DPH6: variants seen among roughly 807,000 people sequenced by gnomAD.
The protein encoded by DPH6 is diphthamine biosynthesis 6.
In DPH6, 33 loss-of-function variants were observed where a neutral mutation model predicts 38.2. The observed-to-expected ratio is 0.86, with a 90% CI of 0.65 to 1.15. DPH6 has a LOEUF of 1.15. Among genes scored for constraint, DPH6 ranks in the 50% most tolerant of loss-of-function variants. DPH6 has a pLI of 0.00. For synonymous variants in DPH6, 108 were observed against 103.0 expected, an observed-to-expected ratio of 1.05 and a Z score of -0.30; for missense variants, 325 against 320.0, an observed-to-expected ratio of 1.02 and a Z score of -0.12.
intron 5 of DPH6, 51 bp downstream of exon 5, chr15:35,450,634 G>C: frequency 7.1e-7 from 1 of 1,402,454 alleles, no homozygotes; most frequent in Non-Finnish European, 1.0e-6. Context: ...TTAGTGAACT[G>C]AGATCATCTA....
chr15:35,373,628 C>T lies in DPH6; in HGVS notation c.663-20G>A, dbSNP rs745356416. 3.1e-6 allele frequency: 5 copies of T among 1,594,096 alleles called. No homozygotes were observed. Among genetic ancestry groups the T allele is most frequent in the Non-Finnish European group, 2.6e-6 (3 of 1,168,992 alleles). Reference sequence around the variant, plus strand: ...GAATCCCTGAAATACAAAAATTTTACAATACATTTATATGCTACAAAAATT... The same window carrying T: ...GAATCCCTGAAATACAAAAATTTTATAATACATTTATATGCTACAAAAATT... On this transcript the variant is annotated intron_variant, in intron 7 of 8. Coordinates refer to ENST00000256538, the MANE Select transcript of DPH6 (RefSeq NM_080650.4).
At chr15:35,504,610 C>T (rs2054670145) in intron 3 of DPH6, among the ~76,000 whole-genome samples, 1 of 151,932 alleles carries the variant, frequency 6.6e-6, no homozygotes. Flanking sequence ...ATACCCAGAA[C>T]AGGGCACTGA....
chr15:35,366,483 T>C (rs2052661771), downstream of DPH6, among the ~76,000 whole-genome samples: 1 of 151,950 alleles, frequency 6.6e-6, no homozygotes, highest in Non-Finnish European at 1.5e-5. Flanking sequence ...CTTAATTTTC[T>C]TAATCAGATA....
intron 5 of DPH6, among the ~76,000 whole-genome samples, chr15:35,440,080 C>T (rs2053768073): frequency 6.6e-6 from 1 of 152,132 alleles, no homozygotes; most frequent in Non-Finnish European, 1.5e-5. Flanking sequence ...CTGCTTATTC[C>T]TGTGAACCAA....
At chr15:35,537,921 T>A (rs565061888) in intron 3 of DPH6, among the ~76,000 whole-genome samples, 1 of 152,110 alleles carries the variant, frequency 6.6e-6, no homozygotes, top group Non-Finnish European at 1.5e-5. Flanking sequence ...ATCCCCAGTG[T>A]CTAGCACTAT....
intron 3 of DPH6, among the ~76,000 whole-genome samples, chr15:35,315,798 T>C (rs988885221): frequency 6.6e-6 from 1 of 152,196 alleles, no homozygotes; most frequent in Non-Finnish European, 1.5e-5. Flanking sequence ...TAAGTGTGTA[T>C]GAACAGATGA....
chr15:35,532,848 A>T (rs543459453), intron 3 of DPH6, among the ~76,000 whole-genome samples: 26 of 152,208 alleles, frequency 1.7e-4, no homozygotes, highest in Admixed American at 1.4e-3. Context: ...TCACACTTGT[A>T]GTCTCAGCAC....
intron 3 of DPH6, among the ~76,000 whole-genome samples, chr15:35,321,034 G>A (rs970502853): frequency 2.6e-5 from 4 of 152,176 alleles, no homozygotes; most frequent in African/African-American, 7.2e-5. Flanking sequence ...ATCTACAGGA[G>A]CAACTGGGGA....
intron 3 of DPH6, among the ~76,000 whole-genome samples, chr15:35,350,535 T>C (rs2052501304): frequency 6.6e-6 from 1 of 152,132 alleles, no homozygotes; most frequent in South Asian, 2.1e-4. Context: ...GAATTTTTAT[T>C]TGACATCTTT....
At chr15:35,190,393 G>C in the DPH6 span, among the ~76,000 whole-genome samples, 4 of 152,192 alleles carry the variant, frequency 2.6e-5, no homozygotes, top group Non-Finnish European at 5.9e-5. Flanking sequence ...GTCTGAAAGT[G>C]GGGAGTGTTG....
chr15:35,194,798 CT>C, the DPH6 span, among the ~76,000 whole-genome samples: 60 of 152,240 alleles, frequency 3.9e-4, no homozygotes, highest in Admixed American at 7.2e-4. Flanking sequence ...CTTAAAACAA[CT>C]TTTTATTGAT....
At chr15:35,499,619 G>T (rs1269297557) in intron 3 of DPH6, among the ~76,000 whole-genome samples, 1 of 152,090 alleles carries the variant, frequency 6.6e-6, no homozygotes, top group African/African-American at 2.4e-5. Flanking sequence ...TGCTATAGAG[G>T]GTCCAAGCCC....
chr15:35,458,331 A>G (rs1388366243), intron 3 of DPH6, among the ~76,000 whole-genome samples: 6 of 152,154 alleles, frequency 3.9e-5, no homozygotes, highest in Admixed American at 6.5e-5. Context: ...TCTCAAGACT[A>G]GCCTACTAAC....
intron 3 of DPH6, among the ~76,000 whole-genome samples, chr15:35,227,057 T>C (rs1038607642): frequency 4.6e-5 from 7 of 152,244 alleles, no homozygotes; most frequent in Admixed American, 3.3e-4. Context: ...TCTTGGTAGG[T>C]TGTATGTGCT....
chr15:35,179,436 C>T, the DPH6 span, among the ~76,000 whole-genome samples: 1 of 151,822 alleles, frequency 6.6e-6, no homozygotes, highest in African/African-American at 2.4e-5. Context: ...CAAAAAGAGT[C>T]AAATACATTA....
At chr15:35,315,575 C>G (rs1400137742) in intron 3 of DPH6, among the ~76,000 whole-genome samples, 1 of 152,138 alleles carries the variant, frequency 6.6e-6, no homozygotes, top group Non-Finnish European at 1.5e-5. Flanking sequence ...GGGGAACCCT[C>G]ATACACTGTT....
intron 3 of DPH6, among the ~76,000 whole-genome samples, chr15:35,318,625 A>G (rs1296804991): frequency 6.6e-6 from 1 of 152,186 alleles, no homozygotes; most frequent in African/African-American, 2.4e-5. Context: ...TTTGACCACT[A>G]TTTAATTAAG....
At chr15:35,431,279 T>A (rs1230122943) in intron 5 of DPH6, among the ~76,000 whole-genome samples, 1 of 152,218 alleles carries the variant, frequency 6.6e-6, no homozygotes, top group Non-Finnish European at 1.5e-5. Flanking sequence ...TATGTTAAAC[T>A]GTTCAAGAAA....
At chr15:35,146,069 CTGTGTGTGTG>C in the DPH6 span, among the ~76,000 whole-genome samples, 493 of 147,180 alleles carry the variant, frequency 3.3e-3, 2 homozygotes, top group South Asian at 5.2e-3. Context: ...CTTATAGTTT[CTGTGTGTGTG>C]TGTGTGTGTG....
Sources: allele counts gnomAD v4.1 joint callset (sites outside exome capture counted in the v4.1 genomes callset), GRCh38; gene constraint gnomAD v4.1.1; transcripts MANE v1.5; gene names NCBI Gene and HGNC (gene_info 2026-07-23, HGNC 2026-07-21).